Variants in MYBPH observed in about 807,000 individuals in gnomAD.
The protein encoded by MYBPH is myosin-binding protein H.
MYBPH carries 49 observed loss-of-function variants against 53.6 expected under a neutral mutation model. The ratio of observed to expected loss-of-function variants is 0.91; its 90% CI spans 0.73 to 1.16. MYBPH has a LOEUF of 1.16. Ranked by LOEUF, MYBPH falls within the 50% of genes most tolerant of loss-of-function variation. MYBPH has a pLI of 0.00. For synonymous variants in MYBPH, 239 were observed against 249.6 expected (o/e 0.96, Z 0.40); for missense variants, 558 against 624.1 (o/e 0.89, Z 1.13).
rs754144733 is a variant in MYBPH at position 203,169,243 on chromosome 1, G to C, written c.1230+10C>G. The C allele has an allele frequency of 6.3e-7, 1 of 1,599,366 alleles. No individual in the cohort carries two copies. Among genetic ancestry groups the C allele is most frequent in the South Asian group, 1.1e-5 (1 of 87,844 alleles). ...ACCAGCCCAGGGCACAACAGGGCCT[G>C]GCCCCTCACCTTGGGTGAAGCTCGG... On this transcript the variant is annotated intron_variant, in intron 8 of 10. Transcript: ENST00000255416.
rs933750471 is a variant in MYBPH at position 203,174,582 on chromosome 1, G to A, written c.356C>T (p.Pro119Leu). Reference protein sequence around the residue: ...LCREGASEWVPVSARPMMVTQ... With the variant: ...LCREGASEWVLVSARPMMVTQ... ...CACCATCATGGGCCGGGCACTCACA[G>A]GCACCCACTCCGAGGCTGAGGGGAT... The change falls in exon 3 of 11, where the codon CCT becomes CTT. Residue 119 changes from proline to leucine, a missense_variant. Physicochemically the swap from Pro to Leu is moderately conservative, Grantham distance 98. Coordinates refer to ENST00000255416, the MANE Select transcript of MYBPH (RefSeq NM_004997.3). 12 of 1,604,718 alleles carry A rather than the reference G, an allele frequency of 7.5e-6. No homozygotes were observed. Among genetic ancestry groups the A allele is most frequent in the Admixed American group, 1.7e-5 (1 of 59,762 alleles).
chr1:203,169,273 T>C lies in MYBPH; in HGVS notation c.1210A>G (p.Ser404Gly), dbSNP rs372036545. Residue 404 changes from serine (S) to glycine (G), a missense_variant, in exon 8 of 11, where the codon AGT becomes GGT. By Grantham distance (56) the Ser-to-Gly change is moderately conservative. Coordinates refer to ENST00000255416, the MANE Select transcript of MYBPH (RefSeq NM_004997.3). ...TPGYSTQLFC[S>G]VRASPKPKII... The stretch of plus-strand genomic sequence containing the variant: ...CTCACCTTGGGTGAAGCTCGGACAC[T>C]GCAGAACAACTGGGTGCTGTAGCCA... 4.3e-6 allele frequency: 7 copies of C among 1,611,888 alleles called. No individual in the cohort carries two copies. The highest frequency in any genetic ancestry group is 5.1e-6 in the Non-Finnish European group (6 of 1,178,886).
chr1:203,178,297 G>A (rs143089140), upstream of MYBPH, among the ~76,000 whole-genome samples: 1 of 152,162 alleles, frequency 6.6e-6, no homozygotes, highest in Non-Finnish European at 1.5e-5. Flanking sequence ...ATGGGTGGAG[G>A]GATGAGTGTT....
In MYBPH at chr1:203,175,554, C is replaced by T. The variant is rs768148531; in HGVS notation, c.202G>A (p.Glu68Lys). 1.9e-6 allele frequency: 3 copies of T among 1,613,784 alleles called. No homozygotes were observed. Among genetic ancestry groups the T allele is most frequent in the African/African-American group, 1.3e-5 (1 of 74,892 alleles). Reference protein sequence around the residue: ...STATKPAPPSEDVPSAPLLLT... With the variant: ...STATKPAPPSKDVPSAPLLLT... ...CCCCTGCCCCACCTTCAGTCACCTT[C>T]ACTTGGGGGTGCAGGCTTAGTGGCT... is the stretch of plus-strand genomic sequence containing the variant. The change falls in exon 1 of 11, where the codon GAA becomes AAA. Residue 68 changes from glutamate (E) to lysine (K), a missense_variant. Physicochemically the swap from Glu to Lys is moderately conservative, Grantham distance 56. Transcript: ENST00000255416.
intron 7 of MYBPH, 135 bp from the exon 8 acceptor site, chr1:203,169,524 G>T: frequency 7.8e-7 from 1 of 1,275,794 alleles, no homozygotes. Flanking sequence ...TCTCAAAGAG[G>T]CAGAGAAAGC....
In MYBPH at chr1:203,171,985, C is replaced by T; in HGVS notation, c.564G>A (p.Val188=). ...GGATTTGCAGGTTGACCGTCTCTCC[C>T]ACCTGGCGGATGTAGGTCTGACGGA... The part of the protein sequence containing the change: ...RHLRQTYIRQ[V]GETVNLQIPF... The change falls in exon 4 of 11, where the codon GTG becomes GTA. Residue 188 remains valine, a synonymous_variant. Transcript: ENST00000255416. This position sits in a 1 kb window ranked among gnomAD's most constrained non-coding sequence, Gnocchi z 4.2. 1 of 1,325,434 alleles carries T rather than the reference C, an allele frequency of 7.5e-7. No homozygotes were observed. The highest frequency in any genetic ancestry group is 1.5e-5 in the African/African-American group (1 of 66,646). The allele number at this position is 1,325,434 out of a possible 1,614,324, so 82.1% of individuals were successfully genotyped here. A position where few individuals can be genotyped will look rare whatever the true frequency, so the allele number is the denominator to read the frequency against.
chr1:203,168,094 G>T lies in MYBPH; in HGVS notation c.*33-3C>A, dbSNP rs1655618724. On this transcript the variant is annotated splice_polypyrimidine_tract_variant and splice_region_variant and intron_variant, in intron 10 of 10. Coordinates refer to ENST00000255416, the MANE Select transcript of MYBPH (RefSeq NM_004997.3). ...CTGGCCCCTCAGGCCTGCAGCACCT[G>T]GAGGAGGACATGCTTCCTGAGCCCC... is the stretch of plus-strand genomic sequence containing the variant. 6.2e-6 allele frequency: 1 copy of T among 161,208 alleles called. No homozygotes were observed. Among genetic ancestry groups the T allele is most frequent in the Non-Finnish European group, 1.4e-5 (1 of 72,810 alleles). 10.0% of individuals were successfully genotyped at this position (161,208 alleles called of 1,614,324 possible).
Position 203,168,888 on chromosome 1 carries a change from C to T in MYBPH, c.1417+18G>A. ...CAGAGAGGTGCTTACTCCTGTTCTC[C>T]CGTCCTCAAACTCTCACCTTTGACC... On this transcript the variant is annotated intron_variant, in intron 9 of 10. Coordinates refer to ENST00000255416, the MANE Select transcript of MYBPH (RefSeq NM_004997.3). 3 of 1,613,200 alleles carry T rather than the reference C, an allele frequency of 1.9e-6. No homozygotes were observed. Among genetic ancestry groups the T allele is most frequent in the Non-Finnish European group, 2.5e-6 (3 of 1,179,618 alleles).
At position 203,171,363 on chromosome 1, in the gene MYBPH, C is replaced by G. The variant is rs1209326162; in HGVS notation, c.793+20G>C. 6.2e-7 allele frequency: 1 copy of G among 1,605,232 alleles called. No individual in the cohort carries two copies. Among genetic ancestry groups the G allele is most frequent in the Non-Finnish European group, 8.5e-7 (1 of 1,174,978 alleles). On this transcript the variant is annotated intron_variant, in intron 5 of 10. Coordinates refer to ENST00000255416, the MANE Select transcript of MYBPH (RefSeq NM_004997.3). The surrounding 1 kb of genome is among the most constrained non-coding windows in gnomAD (Gnocchi z 4.2). ...GCTCCAGGTCCCCCATGAGACAGCA[C>G]TGTTCCCCTGGCTCCATACCAATCA... is the stretch of plus-strand genomic sequence containing the variant.
chr1:203,178,653 G>A (rs972638087), upstream of MYBPH, among the ~76,000 whole-genome samples: 4 of 152,196 alleles, frequency 2.6e-5, no homozygotes, highest in African/African-American at 7.2e-5. Context: ...AACAGAAAAC[G>A]TTTCTTTCAA....
upstream of MYBPH, chr1:203,178,947 T>A (rs1655867741): frequency 6.5e-6 from 1 of 154,242 alleles, no homozygotes. Context: ...TAAGCTCTTG[T>A]ACTTTATTGA....
chr1:203,174,454 G>A lies in MYBPH; in HGVS notation c.484C>T (p.Pro162Ser), dbSNP rs1655758859. Residue 162 changes from proline (P) to serine (S), a missense_variant, in exon 3 of 11, where the codon CCC becomes TCC. Physicochemically the swap from Pro to Ser is moderately conservative, Grantham distance 74. Transcript: ENST00000255416. ...GAGPPAMLDQ[P>S]IHIRENIEAP... ...CCAATGTTCTCTCGGATGTGGATGG[G>A]CTGGTCCAGCATGGCCGGCGGGCCA... The A allele has an allele frequency of 6.2e-7, 1 of 1,605,600 alleles. No individual in the cohort carries two copies. The highest frequency in any genetic ancestry group is 1.7e-5 in the Admixed American group (1 of 59,616).
At chr1:203,174,636 G>T in intron 2 of MYBPH, 39 bp from the exon 3 acceptor site, 1 of 1,501,130 alleles carries the variant, frequency 6.7e-7, no homozygotes, top group African/African-American at 1.4e-5. Context: ...TTGCAATGTG[G>T]CCACAGGCGC....
rs115868236 is a variant in MYBPH, at chr1:203,173,848, T to G, written c.508+582A>C. The stretch of plus-strand genomic sequence containing the variant: ...TCCGGGAGGGGAGCGAGGGGAGGAT[T>G]GAGGCTAATGCACCTTGCAAATAGA... On this transcript the variant is annotated intron_variant, in intron 3 of 10. Transcript: ENST00000255416. 4.1e-3 allele frequency among the ~76,000 whole-genome samples: 622 copies of G among 152,308 alleles called. 4 individuals are homozygous for G. The highest frequency in any genetic ancestry group is 0.014 in the African/African-American group (597 of 41,564).
chr1:203,171,522 C>T lies in MYBPH; in HGVS notation c.654G>A (p.Gln218=). 1 of 1,613,666 alleles carries T rather than the reference C, an allele frequency of 6.2e-7. No homozygotes were observed. The highest frequency in any genetic ancestry group is 2.2e-5 in the East Asian group (1 of 44,898). The change falls in exon 5 of 11, where the codon CAG becomes CAA. Residue 218 remains glutamine, a synonymous_variant. Coordinates refer to ENST00000255416, the MANE Select transcript of MYBPH (RefSeq NM_004997.3). This position sits in a 1 kb window ranked among gnomAD's most constrained non-coding sequence, Gnocchi z 4.2. ...GGTCCCCGGTGCGCATGCTCACCCG[C>T]TGGCTGTCCAGGGCATGGCCGTTGT... is the stretch of plus-strand genomic sequence containing the variant. ...WTHNGHALDS[Q]RVSMRTGDQD...
Position 203,175,457 on chromosome 1 carries a change from G to A in MYBPH, c.210C>T (p.Val70=). The change falls in exon 2 of 11, where the codon GTC becomes GTT. Residue 70 remains valine, a synonymous_variant. Transcript: ENST00000255416. ...GGGTCAGCAGCAGTGGGGCACTGGGGACATCTGGGGAGATGAAGAGGTTCA... is the reference window on the plus strand; with the variant it reads ...GGGTCAGCAGCAGTGGGGCACTGGGAACATCTGGGGAGATGAAGAGGTTCA... The part of the protein sequence containing the change: ...ATKPAPPSED[V]PSAPLLLTLD... 6.3e-7 allele frequency: 1 copy of A among 1,588,022 alleles called. No homozygotes were observed.
At chr1:203,176,818 T>C (rs1655819123), upstream of MYBPH, among the ~76,000 whole-genome samples, 1 of 152,136 alleles carries the variant, frequency 6.6e-6, no homozygotes, top group African/African-American at 2.4e-5. Flanking sequence ...GTTTTACTAG[T>C]GCCTAGTAAA....
In MYBPH at chr1:203,171,257, C is replaced by G; in HGVS notation, c.794-57G>C. 6.4e-7 allele frequency: 1 copy of G among 1,551,664 alleles called. No individual in the cohort carries two copies. The highest frequency in any genetic ancestry group is 1.9e-5 in the Admixed American group (1 of 53,494). ...GTGAGGGCCAGGCTGGCCACAGAGCCCCCACACCCAAAATTTGGCTCTTGC... is the reference window on the plus strand; with the variant it reads ...GTGAGGGCCAGGCTGGCCACAGAGCGCCCACACCCAAAATTTGGCTCTTGC... On this transcript the variant is annotated intron_variant, in intron 5 of 10. Coordinates refer to ENST00000255416, the MANE Select transcript of MYBPH (RefSeq NM_004997.3). This position sits in a 1 kb window ranked among gnomAD's most constrained non-coding sequence, Gnocchi z 4.2.
intron 3 of MYBPH, among the ~76,000 whole-genome samples, chr1:203,174,115 T>C (rs773825699): frequency 7.9e-5 from 12 of 152,138 alleles, no homozygotes; most frequent in Non-Finnish European, 1.5e-4. Flanking sequence ...TGAGATTAGA[T>C]GGGAGATAGA....
Sources: allele counts gnomAD v4.1 joint callset (sites outside exome capture counted in the v4.1 genomes callset), GRCh38; gene constraint gnomAD v4.1.1; non-coding constraint Gnocchi (gnomAD v3.1); transcripts MANE v1.5; gene names NCBI Gene and HGNC (gene_info 2026-07-23, HGNC 2026-07-21).